Variants in KDM2B observed in about 807,000 individuals in gnomAD.
The protein encoded by KDM2B is lysine demethylase 2B.
A neutral mutation model predicts 150.0 loss-of-function variants in KDM2B; 26 were observed. That is an observed-to-expected ratio of 0.17 (90% CI 0.13 to 0.24). The LOEUF is 0.24. Among genes scored for constraint, KDM2B ranks in the 10% least tolerant of loss-of-function variants. KDM2B has a pLI of 1.00. For missense variants in KDM2B, 1,265 were observed against 1,816.9 expected (o/e 0.70, Z 5.52); for synonymous variants, 734 against 729.5 (o/e 1.01, Z -0.10).
chr12:121,463,477 G>T (rs1879397909), intron 12 of KDM2B, among the ~76,000 whole-genome samples: 1 of 152,134 alleles, frequency 6.6e-6, no homozygotes, highest in Non-Finnish European at 1.5e-5. Context: ...AAATAAAATA[G>T]CTATAATTGG....
intron 17 of KDM2B, chr12:121,443,429 GGGTGGAGC>G: frequency 1.0e-5 from 6 of 586,770 alleles, no homozygotes; most frequent in Non-Finnish European, 6.1e-6. Context: ...CACGGCCCGT[GGGTGGAGC>G]AGGGCCACCA....
In KDM2B at chr12:121,441,242, C is replaced by G. The variant is rs202221991; in HGVS notation, c.3285-9G>C. The stretch of plus-strand genomic sequence containing the variant: ...ACCGCTTATCGCAGCACCTGGGGAC[C>G]GGCCCCGTGGGGACACATCGTCAGA... On this transcript the variant is annotated splice_polypyrimidine_tract_variant and intron_variant, in intron 19 of 22. Coordinates refer to ENST00000377071, the MANE Select transcript of KDM2B (RefSeq NM_032590.5). The G allele has an allele frequency of 1.6e-4, 263 of 1,612,696 alleles. No homozygotes were observed. Among genetic ancestry groups the G allele is most frequent in the Non-Finnish European group, 2.0e-4 (239 of 1,179,222 alleles).
At chr12:121,576,304 G>A (rs1401323173) in intron 2 of KDM2B, among the ~76,000 whole-genome samples, 3 of 152,228 alleles carry the variant, frequency 2.0e-5, no homozygotes, top group Non-Finnish European at 4.4e-5. Context: ...GGCCCAGAGA[G>A]GAGGCTGGGA....
intron 6 of KDM2B, 105 bp downstream of exon 6, chr12:121,548,772 C>A: frequency 2.4e-6 from 2 of 823,648 alleles, no homozygotes; most frequent in Non-Finnish European, 4.1e-6. Flanking sequence ...GCGGTTGTGA[C>A]GCTCAAGCCT....
rs1296051154 is a variant in KDM2B, at chr12:121,521,186, C to A, written c.932-86G>T. On this transcript the variant is annotated intron_variant, in intron 8 of 22. Coordinates refer to ENST00000377071, the MANE Select transcript of KDM2B (RefSeq NM_032590.5). The surrounding 1 kb of genome is among the most constrained non-coding windows in gnomAD (Gnocchi z 4.9). Reference sequence around the variant, plus strand: ...CAAGGCTGCAGGGAGGGAGAGCGAGCGTGCAGGAGGGTGCAGGGAGTGGAG... The same window carrying A: ...CAAGGCTGCAGGGAGGGAGAGCGAGAGTGCAGGAGGGTGCAGGGAGTGGAG... 6.6e-6 allele frequency: 6 copies of A among 913,842 alleles called. No individual in the cohort carries two copies. Among genetic ancestry groups the A allele is most frequent in the Non-Finnish European group, 1.1e-5 (6 of 567,830 alleles). 56.6% of individuals were successfully genotyped at this position (913,842 alleles called of 1,614,324 possible). A position where few individuals can be genotyped will look rare whatever the true frequency, so the allele number is the denominator to read the frequency against.
Position 121,580,538 on chromosome 12 carries a change from T to C in KDM2B, c.126+248A>G, listed in dbSNP as rs1891894005. 5 of 1,182,832 alleles carry C rather than the reference T, an allele frequency of 4.2e-6. No homozygotes were observed. The Admixed American group carries it at 1.9e-4, about 46-fold the overall frequency. 73.3% of individuals were successfully genotyped at this position (1,182,832 alleles called of 1,614,324 possible). A position where few individuals can be genotyped will look rare whatever the true frequency, so the allele number is the denominator to read the frequency against. On this transcript the variant is annotated intron_variant, in intron 1 of 22. Transcript: ENST00000377071. ...AGAGCTGACTTTTGGAGGGCCGAGT[T>C]GCAGGCGGCGGGCGCATCCCGGAGA... is the stretch of plus-strand genomic sequence containing the variant.
At chr12:121,525,625 C>G (rs1385824478) in intron 8 of KDM2B, among the ~76,000 whole-genome samples, 7 of 152,050 alleles carry the variant, frequency 4.6e-5, no homozygotes, top group Admixed American at 2.6e-4. Flanking sequence ...CCCACCTGGC[C>G]CTAGCTGGAC....
intron 6 of KDM2B, among the ~76,000 whole-genome samples, chr12:121,536,592 G>A (rs1185307426): frequency 6.6e-6 from 1 of 151,034 alleles, no homozygotes; most frequent in Middle Eastern, 3.2e-3. Flanking sequence ...GACCACACTG[G>A]CCTCTTCTCT....
At chr12:121,416,266 A>G in the KDM2B span, 9 of 1,613,998 alleles carry the variant, frequency 5.6e-6, no homozygotes, top group East Asian at 1.3e-4. Context: ...CCACCGGTCC[A>G]TTCAGATTTA....
chr12:121,537,153 C>T lies in KDM2B; in HGVS notation c.684-2563G>A, dbSNP rs1307553851. 6.6e-6 allele frequency among the ~76,000 whole-genome samples: 1 copy of T among 152,112 alleles called. No homozygotes were observed. The highest frequency in any genetic ancestry group is 2.4e-5 in the African/African-American group (1 of 41,442). On this transcript the variant is annotated intron_variant, in intron 6 of 22. Coordinates refer to ENST00000377071, the MANE Select transcript of KDM2B (RefSeq NM_032590.5). This position sits in a 1 kb window ranked among gnomAD's most constrained non-coding sequence, Gnocchi z 8.7. Reference sequence around the variant, plus strand: ...AAGCCTGGCCGCCCCTCCCACCCCGCGATCGCAGGCATTAGGGGAGCCAGG... The same window carrying T: ...AAGCCTGGCCGCCCCTCCCACCCCGTGATCGCAGGCATTAGGGGAGCCAGG...
intron 4 of KDM2B, among the ~76,000 whole-genome samples, chr12:121,564,494 G>C (rs1241526370): frequency 1.3e-5 from 2 of 151,864 alleles, no homozygotes; most frequent in Non-Finnish European, 2.9e-5. Flanking sequence ...TAAATAAAAG[G>C]CATAAAGATT....
At chr12:121,424,729 A>G (rs1191920428), downstream of KDM2B, among the ~76,000 whole-genome samples, 1 of 152,064 alleles carries the variant, frequency 6.6e-6, no homozygotes, top group African/African-American at 2.4e-5. Flanking sequence ...AAAAAAAGAA[A>G]AAAAAGAAAA....
At position 121,429,855 on chromosome 12, in the gene KDM2B, C is replaced by CA; in HGVS notation, c.*432dup. ...GTAAGATGTAACAAAACCAACCAAA[C>CA]AAAAAAAAGTGTCAAGACGGCAGCA... On this transcript the variant is annotated 3_prime_UTR_variant, in exon 23 of 23. Transcript: ENST00000377071. 8 of 569,002 alleles carry CA rather than the reference C, an allele frequency of 1.4e-5. No individual in the cohort carries two copies. The highest frequency in any genetic ancestry group is 3.2e-5 in the Admixed American group (1 of 31,174). The allele number at this position is 569,002 out of a possible 1,614,324, so 35.2% of individuals were successfully genotyped here. A position where few individuals can be genotyped will look rare whatever the true frequency, so the allele number is the denominator to read the frequency against.
At chr12:121,512,945 G>A (rs1399311924) in intron 10 of KDM2B, among the ~76,000 whole-genome samples, 6 of 152,340 alleles carry the variant, frequency 3.9e-5, no homozygotes, top group South Asian at 4.1e-4. Flanking sequence ...TGGTGTCCAC[G>A]GAAGAGCCAA....
intron 11 of KDM2B, among the ~76,000 whole-genome samples, chr12:121,502,145 G>A (rs1275960487): frequency 6.6e-6 from 1 of 152,288 alleles, no homozygotes; most frequent in Middle Eastern, 3.4e-3. Flanking sequence ...TCATTCTATG[G>A]TGTCTGAAAT....
intron 14 of KDM2B, 137 bp downstream of exon 14, chr12:121,445,138 G>C: frequency 1.9e-6 from 2 of 1,036,832 alleles, no homozygotes; most frequent in Non-Finnish European, 2.8e-6. Context: ...CTTATCCCTT[G>C]ACACACAGGA....
At chr12:121,516,558 G>C (rs1886213361) in intron 9 of KDM2B, 3 of 1,445,508 alleles carry the variant, frequency 2.1e-6, no homozygotes, top group Non-Finnish European at 2.7e-6. Context: ...AACATTATTT[G>C]TTGACAGACT....
chr12:121,466,971 G>T (rs1880078553), intron 12 of KDM2B, among the ~76,000 whole-genome samples: 1 of 148,230 alleles, frequency 6.7e-6, no homozygotes. Flanking sequence ...GCCCGGGCCG[G>T]CTGCGGGCCT....
At position 121,509,767 on chromosome 12, in the gene KDM2B, A is replaced by T. The variant is rs969006370; in HGVS notation, c.1447T>A (p.Ser483Thr). The change falls in exon 11 of 23, where the codon TCC (serine) becomes ACC (threonine). Residue 483 changes from serine (S) to threonine (T), a missense_variant. Coordinates refer to ENST00000377071, the MANE Select transcript of KDM2B (RefSeq NM_032590.5). ...LSNESEESVK[S>T]TTLAVDYPKT... ...GGGTAGTCTACGGCCAATGTGGTGG[A>T]CTTCACACTTTCCTCCGACTCATTA... 6.2e-6 allele frequency: 10 copies of T among 1,613,928 alleles called. No homozygotes were observed. In the African/African-American group the frequency reaches 8.0e-5, roughly 13 times the overall value.
Sources: gnomAD v4.1 joint callset for allele counts (sites outside exome capture counted in the v4.1 genomes callset) on GRCh38, gnomAD v4.1.1 for gene constraint, Gnocchi (gnomAD v3.1) non-coding constraint, MANE v1.5 for transcripts, NCBI Gene and HGNC (gene_info 2026-07-23, HGNC 2026-07-21) for gene names.